CNTNAP5: variants seen among roughly 807,000 people sequenced by gnomAD.
CNTNAP5 encodes contactin-associated protein-like 5.
Under a neutral mutation model 150.2 loss-of-function variants are expected in CNTNAP5, and 72 were observed. The ratio of observed to expected loss-of-function variants is 0.48; its 90% confidence interval spans 0.40 to 0.58. CNTNAP5 has a LOEUF of 0.58. CNTNAP5 is among the 20% of genes least tolerant of loss of function. The probability of loss-of-function intolerance (pLI) is 0.00; values close to 1 mark genes in which losing one functional copy is unlikely to be tolerated. For missense variants in CNTNAP5, 1,636 were observed against 1,626.2 expected (o/e 1.01, Z -0.10); for synonymous variants, 672 against 619.8 (o/e 1.08, Z -1.25).
intron 19 of CNTNAP5, among the ~76,000 whole-genome samples, chr2:124,830,116 A>T (rs968433530): frequency 6.6e-6 from 1 of 151,896 alleles, no homozygotes; most frequent in Admixed American, 6.6e-5. Flanking sequence ...ATCATTTGAT[A>T]ATATTTTCTA....
chr2:124,495,045 A>G lies in CNTNAP5; in HGVS notation c.1063-9247A>G, dbSNP rs184696312. Among the ~76,000 whole-genome samples, 514 of 152,264 alleles carry G rather than the reference A, an allele frequency of 3.4e-3. 3 individuals are homozygous for G. The highest frequency in any genetic ancestry group is 5.5e-3 in the Non-Finnish European group (371 of 68,018). ...ATATTAGTCATGGTCCTATGCCTAC[A>G]TATTTATATGGGTATATTTCACCTG... On this transcript the variant is annotated intron_variant, in intron 7 of 23. Transcript: ENST00000682447.
chr2:124,103,149 CAGTT>C (rs1237046048), intron 1 of CNTNAP5, among the ~76,000 whole-genome samples: 1 of 151,748 alleles, frequency 6.6e-6, no homozygotes, highest in Non-Finnish European at 1.5e-5. Flanking sequence ...AAAAAATTAA[CAGTT>C]AGTTAAAAAT....
intron 3 of CNTNAP5, among the ~76,000 whole-genome samples, chr2:124,275,961 A>C (rs1231717024): frequency 6.6e-6 from 1 of 152,144 alleles, no homozygotes; most frequent in Non-Finnish European, 1.5e-5. Context: ...CTGCCAATGG[A>C]ACTGTCTAAT....
chr2:124,790,004 G>A lies in CNTNAP5; in HGVS notation c.2855G>A (p.Gly952Glu). 6.2e-7 allele frequency: 1 copy of A among 1,613,938 alleles called. No homozygotes were observed. The highest frequency in any genetic ancestry group is 8.5e-7 in the Non-Finnish European group (1 of 1,179,862). Residue 952 changes from glycine to glutamate, a missense_variant, in exon 18 of 24, where the codon GGA becomes GAA. Transcript: ENST00000682447. ...GAAGAGAGGGCAAAGGTCACATCTG[G>A]AGTCAGGCCAGGCTGCCCCGGCCAC... Reference protein sequence around the residue: ...DLEERAKVTSGVRPGCPGHCS... With the variant: ...DLEERAKVTSEVRPGCPGHCS...
intron 7 of CNTNAP5, among the ~76,000 whole-genome samples, chr2:124,475,747 C>T (rs1693624586): frequency 6.6e-6 from 1 of 152,054 alleles, no homozygotes; most frequent in Admixed American, 6.6e-5. Flanking sequence ...TAACTTTTCC[C>T]ATCCTTTTGC....
At position 124,915,741 on chromosome 2, in the gene CNTNAP5, G is replaced by T. The variant is rs1017365393; in HGVS notation, c.*1453G>T. Among the ~76,000 whole-genome samples the T allele has an allele frequency of 2.6e-5, 4 of 152,114 alleles. No individual in the cohort carries two copies. Among genetic ancestry groups the T allele is most frequent in the East Asian group, 1.9e-4 (1 of 5,132 alleles). On this transcript the variant is annotated 3_prime_UTR_variant, in exon 24 of 24. Transcript: ENST00000682447. Reference sequence around the variant, plus strand: ...TGAAAACAGTCATTCCTTCAAGAAGGCACCTTGAGCTCATCCATGGGGTGG... The same window carrying T: ...TGAAAACAGTCATTCCTTCAAGAAGTCACCTTGAGCTCATCCATGGGGTGG...
chr2:124,786,523 G>GAAAGAA (rs1553442195), intron 17 of CNTNAP5, among the ~76,000 whole-genome samples: 1 of 137,702 alleles, frequency 7.3e-6, no homozygotes, highest in African/African-American at 3.0e-5. Flanking sequence ...AAGAAAGAAA[G>GAAAGAA]AGAAAGAAAG....
chr2:124,688,981 C>G (rs564991143), intron 13 of CNTNAP5, among the ~76,000 whole-genome samples: 87 of 152,144 alleles, frequency 5.7e-4, no homozygotes, highest in Non-Finnish European at 9.0e-4. Flanking sequence ...GATAATTATA[C>G]AAGGATAATG....
intron 1 of CNTNAP5, among the ~76,000 whole-genome samples, chr2:124,168,994 C>T (rs571035044): frequency 6.6e-6 from 1 of 152,314 alleles, no homozygotes; most frequent in Non-Finnish European, 1.5e-5. Context: ...AAAGATTCTA[C>T]CTCTTCCTTG....
At chr2:124,794,322 A>G (rs1681798519) in intron 18 of CNTNAP5, among the ~76,000 whole-genome samples, 1 of 152,206 alleles carries the variant, frequency 6.6e-6, no homozygotes, top group African/African-American at 2.4e-5. Context: ...TTCCTCATCT[A>G]CGAGATGTGG....
chr2:124,906,688 A>C (rs994199476), intron 22 of CNTNAP5, among the ~76,000 whole-genome samples: 1 of 152,190 alleles, frequency 6.6e-6, no homozygotes, highest in African/African-American at 2.4e-5. Context: ...GCCCAGTCCA[A>C]TATTTTGTAA....
At chr2:124,146,948 G>A (rs1239366498) in intron 1 of CNTNAP5, among the ~76,000 whole-genome samples, 1 of 152,134 alleles carries the variant, frequency 6.6e-6, no homozygotes, top group African/African-American at 2.4e-5. Context: ...GCTCACATTT[G>A]AGTGTGGATG....
intron 3 of CNTNAP5, among the ~76,000 whole-genome samples, chr2:124,413,341 G>T (rs1042257328): frequency 3.3e-5 from 5 of 151,284 alleles, no homozygotes; most frequent in African/African-American, 1.2e-4. Context: ...CAGGGATCTA[G>T]AACTAGAAAT....
At chr2:124,227,571 A>G (rs530219809) in intron 2 of CNTNAP5, among the ~76,000 whole-genome samples, 94 of 152,152 alleles carry the variant, frequency 6.2e-4, no homozygotes, top group African/African-American at 2.3e-3. Context: ...CAATAAGTTA[A>G]AAACATAGCT....
intron 3 of CNTNAP5, among the ~76,000 whole-genome samples, chr2:124,361,487 G>A (rs1426482738): frequency 7.6e-5 from 11 of 145,328 alleles, no homozygotes; most frequent in South Asian, 2.2e-4. Flanking sequence ...ATGGGTTTTC[G>A]GTGTGGATGT....
chr2:124,179,020 G>C (rs1012815546), intron 1 of CNTNAP5, among the ~76,000 whole-genome samples: 1 of 150,486 alleles, frequency 6.6e-6, no homozygotes, highest in Non-Finnish European at 1.5e-5. Flanking sequence ...TGCATTTTTA[G>C]AGCTCTTTCA....
intron 1 of CNTNAP5, among the ~76,000 whole-genome samples, chr2:124,167,926 TAGGG>T (rs1223330294): frequency 6.6e-6 from 1 of 151,952 alleles, no homozygotes; most frequent in Non-Finnish European, 1.5e-5. Flanking sequence ...GAAGGAAATG[TAGGG>T]AGGAAGAGAA....
At chr2:124,029,880 T>C (rs1490047363) in intron 1 of CNTNAP5, among the ~76,000 whole-genome samples, 3 of 152,130 alleles carry the variant, frequency 2.0e-5, no homozygotes, top group Non-Finnish European at 4.4e-5. Context: ...ATTATCCCCC[T>C]TAGATGAGAA....
chr2:124,785,694 GT>G (rs750553918), intron 17 of CNTNAP5, among the ~76,000 whole-genome samples: 4 of 152,194 alleles, frequency 2.6e-5, no homozygotes, highest in Admixed American at 2.6e-4. Context: ...AGCTGGTGGG[GT>G]AAGGGGAGGC....
Sources: allele counts gnomAD v4.1 joint callset (sites outside exome capture counted in the v4.1 genomes callset), GRCh38; gene constraint gnomAD v4.1.1; transcripts MANE v1.5; gene names NCBI Gene and HGNC (gene_info 2026-07-23, HGNC 2026-07-21).